DLG2: variants seen among roughly 807,000 people sequenced by gnomAD.
DLG2 encodes discs large MAGUK scaffold protein 2, also known as disks large homolog 2.
Under a neutral mutation model 132.5 loss-of-function variants are expected in DLG2, and 45 were observed. The observed-to-expected ratio is 0.34, with a 90% CI of 0.27 to 0.44. The LOEUF (loss-of-function observed/expected upper bound fraction) is 0.44. DLG2 is among the 20% of genes least tolerant of loss of function. The pLI, the probability that DLG2 is intolerant of heterozygous loss-of-function variation, is 1.00. For missense variants in DLG2, 1,045 were observed against 1,196.9 expected, an observed-to-expected ratio of 0.87 and a Z score of 1.87; for synonymous variants, 424 against 419.6, an observed-to-expected ratio of 1.01 and a Z score of -0.13.
At chr11:85,322,921 C>T (rs1413782181) in intron 3 of DLG2, among the ~76,000 whole-genome samples, 1 of 152,204 alleles carries the variant, frequency 6.6e-6, no homozygotes, top group Non-Finnish European at 1.5e-5. Context: ...CCTGTTTCTA[C>T]CCTTTAAATA....
At chr11:85,340,217 T>C (rs1434137302) in intron 3 of DLG2, among the ~76,000 whole-genome samples, 1 of 152,164 alleles carries the variant, frequency 6.6e-6, no homozygotes, top group Non-Finnish European at 1.5e-5. Flanking sequence ...CTATTCACAA[T>C]AGCAAAGACT....
intron 7 of DLG2, among the ~76,000 whole-genome samples, chr11:84,494,610 A>C (rs1344896590): frequency 6.6e-6 from 1 of 152,168 alleles, no homozygotes; most frequent in Admixed American, 6.5e-5. Flanking sequence ...GTCCGGAAGT[A>C]GTAATGACTG....
chr11:84,938,621 G>A (rs1252010947), intron 6 of DLG2, among the ~76,000 whole-genome samples: 1 of 152,138 alleles, frequency 6.6e-6, no homozygotes, highest in Non-Finnish European at 1.5e-5. Context: ...GAACCAGAAT[G>A]CAATTAGAAT....
intron 3 of DLG2, among the ~76,000 whole-genome samples, chr11:85,387,031 G>A (rs2086398908): frequency 6.6e-6 from 1 of 151,682 alleles, no homozygotes; most frequent in South Asian, 2.1e-4. Flanking sequence ...TGGATTACAG[G>A]CACACACCAC....
chr11:84,146,039 G>C (rs1228314060), intron 9 of DLG2, among the ~76,000 whole-genome samples: 1 of 152,168 alleles, frequency 6.6e-6, no homozygotes, highest in Non-Finnish European at 1.5e-5. Context: ...AAGCCAGCTG[G>C]TTTCCAAATC....
intron 3 of DLG2, among the ~76,000 whole-genome samples, chr11:85,462,572 G>C (rs2092651950): frequency 6.6e-6 from 1 of 151,764 alleles, no homozygotes; most frequent in African/African-American, 2.4e-5. Context: ...AACACCGCAT[G>C]TTCTCACTCA....
At chr11:84,442,287 T>C (rs1021901604) in intron 7 of DLG2, among the ~76,000 whole-genome samples, 3 of 152,196 alleles carry the variant, frequency 2.0e-5, no homozygotes, top group East Asian at 1.9e-4. Flanking sequence ...TGTTCTCTTA[T>C]TTCCTTGAGC....
At chr11:83,907,733 C>T (rs2075289352) in intron 15 of DLG2, among the ~76,000 whole-genome samples, 1 of 152,112 alleles carries the variant, frequency 6.6e-6, no homozygotes, top group Admixed American at 6.6e-5. Context: ...GAAGAAAAAT[C>T]ACACTCAGGA....
chr11:84,248,460 T>C (rs1452886802), intron 8 of DLG2, among the ~76,000 whole-genome samples: 1 of 152,112 alleles, frequency 6.6e-6, no homozygotes, highest in Non-Finnish European at 1.5e-5. Flanking sequence ...AAGAACATAC[T>C]ACCATGATAA....
chr11:83,763,816 G>A (rs2094020722), intron 18 of DLG2, among the ~76,000 whole-genome samples: 1 of 152,112 alleles, frequency 6.6e-6, no homozygotes, highest in Non-Finnish European at 1.5e-5. Flanking sequence ...TTTCTCTCTA[G>A]TCAGGCACAA....
At chr11:85,572,776 A>G (rs775740765) in intron 3 of DLG2, among the ~76,000 whole-genome samples, 3 of 152,348 alleles carry the variant, frequency 2.0e-5, no homozygotes, top group Admixed American at 1.3e-4. Flanking sequence ...TCCTAAGTTC[A>G]CTGCATGTGT....
intron 3 of DLG2, among the ~76,000 whole-genome samples, chr11:85,455,917 T>C (rs2092406747): frequency 6.6e-6 from 1 of 152,182 alleles, no homozygotes; most frequent in Admixed American, 6.5e-5. Flanking sequence ...TGAGTTCAGT[T>C]TGCTACTATT....
chr11:83,668,706 C>CATATATATGTGT (rs2076195222), intron 18 of DLG2, among the ~76,000 whole-genome samples: 3 of 12,804 alleles, frequency 2.3e-4, no homozygotes, highest in African/African-American at 6.0e-4. Context: ...TATATAAACA[C>CATATATATGTGT]ATATATATGT....
chr11:85,409,007 G>T (rs892245861), intron 3 of DLG2, among the ~76,000 whole-genome samples: 1 of 151,808 alleles, frequency 6.6e-6, no homozygotes, highest in Non-Finnish European at 1.5e-5. Context: ...GTGAGGAGAA[G>T]GAATTATTAT....
chr11:84,950,203 T>A (rs917263122), intron 6 of DLG2, among the ~76,000 whole-genome samples: 2 of 152,194 alleles, frequency 1.3e-5, no homozygotes, highest in Non-Finnish European at 2.9e-5. Context: ...GCATCTGCAC[T>A]GTGCTAAGAA....
intron 3 of DLG2, among the ~76,000 whole-genome samples, chr11:85,399,440 C>T (rs1230684579): frequency 6.6e-6 from 1 of 152,136 alleles, no homozygotes; most frequent in Admixed American, 6.6e-5. Flanking sequence ...TTTTAAAGTT[C>T]ATATGGAACC....
intron 6 of DLG2, among the ~76,000 whole-genome samples, chr11:84,659,893 C>T (rs144975266): frequency 2.0e-4 from 30 of 152,104 alleles, no homozygotes; most frequent in Middle Eastern, 6.8e-3. Flanking sequence ...TAAAATCAGC[C>T]AAAGAAAGGT....
chr11:84,237,920 T>C (rs1007225964), intron 8 of DLG2, among the ~76,000 whole-genome samples: 1 of 150,988 alleles, frequency 6.6e-6, no homozygotes, highest in African/African-American at 2.4e-5. Flanking sequence ...GGGGCACCTG[T>C]AATCCCAGCT....
chr11:83,572,134 AT>A (rs2096806696), intron 19 of DLG2, among the ~76,000 whole-genome samples: 1 of 152,042 alleles, frequency 6.6e-6, no homozygotes, highest in African/African-American at 2.4e-5. Flanking sequence ...TATAGTAAAC[AT>A]TTTTTAATGT....
Sources: allele counts gnomAD v4.1 joint callset (sites outside exome capture counted in the v4.1 genomes callset), GRCh38; gene constraint gnomAD v4.1.1; transcripts MANE v1.5; gene names NCBI Gene and HGNC (gene_info 2026-07-23, HGNC 2026-07-21).